Variants in ADCY1 observed in about 807,000 individuals in gnomAD.
ADCY1 encodes adenylate cyclase 1.
In ADCY1, 28 loss-of-function variants were observed where a neutral mutation model predicts 105.4. The observed-to-expected ratio is 0.27, with a 90% confidence interval of 0.20 to 0.36. The LOEUF (loss-of-function observed/expected upper bound fraction) is 0.36, where lower values mean the gene tolerates loss of function less well. ADCY1 is among the 10% of genes least tolerant of loss of function. The pLI, the probability that ADCY1 is intolerant of heterozygous loss-of-function variation, is 1.00. For missense variants in ADCY1, 977 were observed against 1,434.2 expected (o/e 0.68, Z 5.15); for synonymous variants, 655 against 623.8 (o/e 1.05, Z -0.75).
chr7:45,614,691 T>C (rs1451982269), intron 3 of ADCY1, among the ~76,000 whole-genome samples: 2 of 152,282 alleles, frequency 1.3e-5, no homozygotes, highest in Admixed American at 1.3e-4. Flanking sequence ...TGGAAGGAGA[T>C]AGCTCATACC....
intron 11 of ADCY1, 77 bp from the exon 12 acceptor site, chr7:45,684,902 T>C: frequency 7.6e-7 from 1 of 1,313,986 alleles, no homozygotes; most frequent in Non-Finnish European, 1.1e-6. Flanking sequence ...CACATTCCAC[T>C]ATAGGAAGTA....
intron 8 of ADCY1, among the ~76,000 whole-genome samples, chr7:45,665,144 T>A (rs1006974884): frequency 6.6e-6 from 1 of 152,258 alleles, no homozygotes; most frequent in East Asian, 1.9e-4. Context: ...ATATGATTTT[T>A]AAAAATCATT....
Position 45,678,074 on chromosome 7 carries a change from C to G in ADCY1, c.1800+11C>G. On this transcript the variant is annotated intron_variant, in intron 9 of 19. Coordinates refer to ENST00000297323, the MANE Select transcript of ADCY1 (RefSeq NM_021116.4). ...GAACGGGAGCAAAAGGTAAGCAACTCTGGTTTTCGGCTTCCCTGGTGCTGC... is the reference window on the plus strand; with the variant it reads ...GAACGGGAGCAAAAGGTAAGCAACTGTGGTTTTCGGCTTCCCTGGTGCTGC... 1.2e-6 allele frequency: 2 copies of G among 1,613,948 alleles called. No homozygotes were observed. Among genetic ancestry groups the G allele is most frequent in the South Asian group, 1.1e-5 (1 of 91,054 alleles).
intron 2 of ADCY1, among the ~76,000 whole-genome samples, chr7:45,606,972 G>A (rs535976735): frequency 1.7e-4 from 25 of 150,836 alleles, no homozygotes; most frequent in Non-Finnish European, 3.4e-4. Context: ...AATTTCACGT[G>A]GAATCTTTAT....
chr7:45,619,109 A>T (rs1793820641), intron 3 of ADCY1, among the ~76,000 whole-genome samples: 1 of 152,222 alleles, frequency 6.6e-6, no homozygotes, highest in Admixed American at 6.5e-5. Context: ...TAAGCCAGTC[A>T]TTGAAAGATA....
At chr7:45,592,984 C>G (rs1792969036) in intron 2 of ADCY1, 76 bp downstream of exon 2, 1 of 1,574,500 alleles carries the variant, frequency 6.4e-7, no homozygotes, top group African/African-American at 1.3e-5. Flanking sequence ...GCTTCCTGAG[C>G]CTCAGTTTAC....
intron 19 of ADCY1, among the ~76,000 whole-genome samples, chr7:45,711,924 TATTATATTAAATATATAAATAC>T: frequency 1.6e-5 from 2 of 122,056 alleles, no homozygotes; most frequent in East Asian, 2.2e-4. Flanking sequence ...ATATATTATA[TATTATATTAAATATATAAATAC>T]ATATTATATT....
chr7:45,590,736 G>A (rs1056416518), intron 1 of ADCY1, among the ~76,000 whole-genome samples: 3 of 152,070 alleles, frequency 2.0e-5, no homozygotes, highest in African/African-American at 7.2e-5. Flanking sequence ...GATGCTCAGG[G>A]TCTGGGAGAG....
intron 14 of ADCY1, among the ~76,000 whole-genome samples, chr7:45,689,875 G>A (rs564354996): frequency 6.6e-6 from 1 of 152,336 alleles, no homozygotes; most frequent in East Asian, 1.9e-4. Flanking sequence ...GGGGTTGAGG[G>A]GAAAGGGACG....
intron 17 of ADCY1, among the ~76,000 whole-genome samples, chr7:45,705,699 T>C (rs572426330): frequency 6.6e-6 from 1 of 152,272 alleles, no homozygotes; most frequent in East Asian, 1.9e-4. Context: ...TATTCAACAT[T>C]TTACTGGAAG....
intron 12 of ADCY1, 63 bp downstream of exon 12, chr7:45,685,131 C>A: frequency 6.8e-7 from 1 of 1,460,066 alleles, no homozygotes; most frequent in Non-Finnish European, 9.6e-7. Flanking sequence ...GAGGACCAGC[C>A]CAGAAGCCAG....
At position 45,706,700 on chromosome 7, in the gene ADCY1, G is replaced by GT. The variant is rs1357766821; in HGVS notation, c.2818-1649dup. Among the ~76,000 whole-genome samples the GT allele has an allele frequency of 2.0e-5, 3 of 152,104 alleles. No individual in the cohort carries two copies. In the East Asian group the frequency reaches 5.8e-4, roughly 29 times the overall value. ...GCATGATTCATGAAAGAAAAAATTG[G>GT]TAAGTTGGACTTCATGAAAATTAAA... On this transcript the variant is annotated intron_variant, in intron 17 of 19. Transcript: ENST00000297323.
intron 18 of ADCY1, among the ~76,000 whole-genome samples, chr7:45,709,921 G>T (rs75772794): frequency 1.1e-3 from 174 of 152,340 alleles, no homozygotes; most frequent in African/African-American, 3.9e-3. Flanking sequence ...AAGTTCGGGT[G>T]TGCCTGGGTT....
intron 1 of ADCY1, among the ~76,000 whole-genome samples, chr7:45,582,123 G>A (rs1792567622): frequency 6.6e-6 from 1 of 152,096 alleles, no homozygotes; most frequent in African/African-American, 2.4e-5. Flanking sequence ...CACTCACAAA[G>A]CAATGCACAT....
chr7:45,640,917 G>C (rs1380015284), intron 4 of ADCY1, among the ~76,000 whole-genome samples: 1 of 152,314 alleles, frequency 6.6e-6, no homozygotes, highest in South Asian at 2.1e-4. Context: ...TTCCATGCTT[G>C]TGGGGTCCTG....
chr7:45,685,754 C>G (rs1414408870), intron 12 of ADCY1, among the ~76,000 whole-genome samples: 1 of 152,188 alleles, frequency 6.6e-6, no homozygotes, highest in East Asian at 1.9e-4. Context: ...CTGGTCCTCC[C>G]TGGAGCCTCT....
chr7:45,625,345 A>G (rs768821974), intron 4 of ADCY1, among the ~76,000 whole-genome samples: 1 of 152,232 alleles, frequency 6.6e-6, no homozygotes, highest in Non-Finnish European at 1.5e-5. Flanking sequence ...TTTTATCAAG[A>G]AGAATGCACA....
intron 19 of ADCY1, among the ~76,000 whole-genome samples, chr7:45,712,089 A>T (rs112286748): frequency 7.6e-6 from 1 of 131,624 alleles, no homozygotes; most frequent in Non-Finnish European, 1.6e-5. Context: ...TTAAATATAT[A>T]ATATATTTTA....
intron 6 of ADCY1, among the ~76,000 whole-genome samples, chr7:45,659,296 A>G (rs1795026623): frequency 6.6e-6 from 1 of 152,126 alleles, no homozygotes; most frequent in Non-Finnish European, 1.5e-5. Context: ...TTAATTATGA[A>G]TCCCAAGCTT....
Sources: allele counts gnomAD v4.1 joint callset (sites outside exome capture counted in the v4.1 genomes callset), GRCh38; gene constraint gnomAD v4.1.1; transcripts MANE v1.5; gene names NCBI Gene and HGNC (gene_info 2026-07-23, HGNC 2026-07-21).